USP37: variants seen among roughly 807,000 people sequenced by gnomAD.
USP37 encodes ubiquitin carboxyl-terminal hydrolase 37.
A neutral mutation model predicts 124.0 loss-of-function variants in USP37; 27 were observed. That is an observed-to-expected ratio of 0.22 (90% confidence interval 0.16 to 0.30). USP37 has a LOEUF of 0.30. Among genes scored for constraint, USP37 ranks in the 10% least tolerant of loss-of-function variants. The probability of loss-of-function intolerance (pLI) is 1.00; values close to 1 mark genes in which losing one functional copy is unlikely to be tolerated. For missense variants in USP37, 889 were observed against 1,140.4 expected (o/e 0.78, Z 3.17); for synonymous variants, 365 against 388.0 (o/e 0.94, Z 0.70).
chr2:218,543,055 C>T (rs1192764778), intron 8 of USP37, among the ~76,000 whole-genome samples: 1 of 152,144 alleles, frequency 6.6e-6, no homozygotes, highest in Non-Finnish European at 1.5e-5. Flanking sequence ...TCTTGAAAGG[C>T]AGATCTCATA....
intron 10 of USP37, among the ~76,000 whole-genome samples, chr2:218,515,533 C>A (rs556947223): frequency 6.6e-6 from 1 of 152,012 alleles, no homozygotes; most frequent in Non-Finnish European, 1.5e-5. Context: ...TTACATCTTA[C>A]GAAAAAATTA....
At chr2:218,559,431 T>C (rs1188301563) in intron 3 of USP37, among the ~76,000 whole-genome samples, 1 of 152,186 alleles carries the variant, frequency 6.6e-6, no homozygotes, top group Admixed American at 6.5e-5. Flanking sequence ...AATCTAAGCA[T>C]ATCCGTATGT....
At chr2:218,524,762 A>G (rs1229180148) in intron 10 of USP37, among the ~76,000 whole-genome samples, 1 of 152,172 alleles carries the variant, frequency 6.6e-6, no homozygotes, top group African/African-American at 2.4e-5. Context: ...GGCACGCACC[A>G]CCACGCCTGC....
At chr2:218,557,350 T>C (rs1693047003) in intron 4 of USP37, among the ~76,000 whole-genome samples, 2 of 151,734 alleles carry the variant, frequency 1.3e-5, no homozygotes, top group Non-Finnish European at 2.9e-5. Context: ...GGCTGAGGAT[T>C]GAAAAAAAAA....
chr2:218,466,066 G>A lies in USP37; in HGVS notation c.2410C>T (p.Arg804Cys), dbSNP rs749412750. The change falls in exon 21 of 26, where the codon CGT becomes TGT. Residue 804 changes from arginine (R) to cysteine (C), a missense_variant. Physicochemically the swap from Arg to Cys is radical, Grantham distance 180 (BLOSUM62 -3). Around this residue, in one of 3 missense-constraint regions of USP37, gnomAD observed 504 missense variants for 714.3 expected, o/e 0.71. Transcript: ENST00000258399. ...TGAAGCTCTTGCTCTTCCCTTTCAC[G>A]CTCCATATCATACTGCTGGAGCCAA... ...VDWLQQYDME[R>C]EREEQELQQA... The A allele has an allele frequency of 1.4e-5, 23 of 1,613,070 alleles. No individual in the cohort carries two copies. Among genetic ancestry groups the A allele is most frequent in the East Asian group, 2.2e-5 (1 of 44,862 alleles).
At chr2:218,553,065 G>A (rs1692754955) in intron 5 of USP37, among the ~76,000 whole-genome samples, 1 of 152,224 alleles carries the variant, frequency 6.6e-6, no homozygotes, top group South Asian at 2.1e-4. Context: ...CAATTTGGAT[G>A]CCTGTTATTT....
chr2:218,494,205 C>CTAGA (rs1223708698), intron 14 of USP37, among the ~76,000 whole-genome samples: 19 of 152,094 alleles, frequency 1.2e-4, no homozygotes, highest in Non-Finnish European at 2.4e-4. Context: ...GTTAAAAATG[C>CTAGA]TAGAATGTTA....
chr2:218,555,028 T>G (rs1692884699), intron 4 of USP37, among the ~76,000 whole-genome samples: 1 of 152,190 alleles, frequency 6.6e-6, no homozygotes, highest in Non-Finnish European at 1.5e-5. Flanking sequence ...TCCACAGAAC[T>G]GGTTCAATAA....
At chr2:218,499,804 C>T (rs925394326) in intron 11 of USP37, among the ~76,000 whole-genome samples, 25 of 152,284 alleles carry the variant, frequency 1.6e-4, no homozygotes, top group Admixed American at 1.3e-3. Flanking sequence ...GTTTTTGAGA[C>T]AGGGTCTTGC....
intron 19 of USP37, 89 bp downstream of exon 19, chr2:218,476,734 ATTTTCTTTAAAACTAAT>A: frequency 7.9e-7 from 1 of 1,262,986 alleles, no homozygotes; most frequent in Non-Finnish European, 1.0e-6. Flanking sequence ...CAGAGAAGGC[ATTTTCTTTAAAACTAAT>A]TAGTTTGATG....
rs568197176 is a variant in USP37, at chr2:218,485,968, C to T, written c.1591-225G>A. 52 of 434,996 alleles carry T rather than the reference C, an allele frequency of 1.2e-4. 1 individual carries two copies. The East Asian group carries it at 1.9e-3, about 16-fold the overall frequency. The allele number at this position is 434,996 out of a possible 1,614,324, so 26.9% of individuals were successfully genotyped here. A position where few individuals can be genotyped will look rare whatever the true frequency, so the allele number is the denominator to read the frequency against. ...TCAGAACTTCTAATTTCCTTTTTCACCAAGAATATATCTAAATTTATGATA... is the reference window on the plus strand; with the variant it reads ...TCAGAACTTCTAATTTCCTTTTTCATCAAGAATATATCTAAATTTATGATA... On this transcript the variant is annotated intron_variant, in intron 15 of 25. Coordinates refer to ENST00000258399, the MANE Select transcript of USP37 (RefSeq NM_020935.3).
chr2:218,488,223 A>C (rs1413979132), intron 15 of USP37, 81 bp downstream of exon 15: 19 of 955,126 alleles, frequency 2.0e-5, no homozygotes, highest in Non-Finnish European at 2.6e-5. Flanking sequence ...TTTGCCTTGA[A>C]GAAACCAACT....
At chr2:218,467,882 G>GTTTTTTTTTTTTTTTTTTTTTT (rs950614019) in intron 20 of USP37, among the ~76,000 whole-genome samples, 1 of 147,742 alleles carries the variant, frequency 6.8e-6, no homozygotes, top group African/African-American at 2.6e-5. Context: ...AACATTTCAT[G>GTTTTTTTTTTTTTTTTTTTTTT]TTTTTTTTGT....
chr2:218,553,790 A>G, intron 4 of USP37, 66 bp from the exon 5 acceptor site: 2 of 1,421,126 alleles, frequency 1.4e-6, no homozygotes, highest in Non-Finnish European at 1.9e-6. Context: ...AATCTGTATA[A>G]TAAATACTAA....
At chr2:218,481,947 T>A (rs1057513300) in intron 17 of USP37, 123 bp downstream of exon 17, 16 of 1,159,204 alleles carry the variant, frequency 1.4e-5, no homozygotes, top group Non-Finnish European at 1.8e-5. Flanking sequence ...AGCCACTGCA[T>A]CTGGCCATTG....
At chr2:218,480,325 G>T (rs753310298) in intron 17 of USP37, among the ~76,000 whole-genome samples, 1 of 150,710 alleles carries the variant, frequency 6.6e-6, no homozygotes, top group South Asian at 2.1e-4. Flanking sequence ...GCGTGAAGCC[G>T]GGAGGCGCAG....
intron 3 of USP37, among the ~76,000 whole-genome samples, chr2:218,559,048 TG>T (rs1345311754): frequency 2.7e-5 from 4 of 149,922 alleles, no homozygotes; most frequent in Admixed American, 6.7e-5. Context: ...TGGCTCAGCC[TG>T]TAATCCCAAA....
intron 22 of USP37, among the ~76,000 whole-genome samples, chr2:218,462,047 C>T (rs1441874443): frequency 1.3e-5 from 2 of 152,050 alleles, no homozygotes; most frequent in African/African-American, 2.4e-5. Context: ...ATCCCAGCTA[C>T]TTGGGAAGCT....
chr2:218,562,627 T>G (rs930223445), intron 2 of USP37, 46 bp downstream of exon 2: 2 of 397,728 alleles, frequency 5.0e-6, no homozygotes, highest in Non-Finnish European at 8.9e-6. Flanking sequence ...TCCCGCCAGA[T>G]TGCATGCTCT....
Sources: allele counts gnomAD v4.1 joint callset (sites outside exome capture counted in the v4.1 genomes callset), GRCh38; gene constraint gnomAD v4.1.1; regional missense constraint gnomAD v4.1.1; transcripts MANE v1.5; gene names NCBI Gene and HGNC (gene_info 2026-07-23, HGNC 2026-07-21).